Variants in MAGI1 observed in about 807,000 individuals in gnomAD.
MAGI1 encodes membrane-associated guanylate kinase, WW and PDZ domain-containing protein 1.
MAGI1 carries 58 observed loss-of-function variants against 139.9 expected under a neutral mutation model. The ratio of observed to expected loss-of-function variants is 0.41; its 90% CI spans 0.34 to 0.52. MAGI1 has a LOEUF of 0.52. Among genes scored for constraint, MAGI1 ranks in the 20% least tolerant of loss-of-function variants. The probability of loss-of-function intolerance (pLI) is 0.12; values close to 1 mark genes in which losing one functional copy is unlikely to be tolerated. For missense variants in MAGI1, 1,874 were observed against 1,901.6 expected (o/e 0.99, Z 0.27); for synonymous variants, 812 against 737.9 (o/e 1.10, Z -1.63).
chr3:65,690,640 A>AT (rs78131210), intron 1 of MAGI1, among the ~76,000 whole-genome samples: 35,029 of 130,428 alleles, frequency 0.27, 5,367 homozygotes, highest in Non-Finnish European at 0.37. Flanking sequence ...TGTATTTTTA[A>AT]TTTTTTTTTT....
chr3:66,017,498 C>T (rs2107533984), intron 1 of MAGI1, among the ~76,000 whole-genome samples: 1 of 152,340 alleles, frequency 6.6e-6, no homozygotes, highest in South Asian at 2.1e-4. Context: ...CACCTGTCAC[C>T]AGGCAACAAT....
intron 1 of MAGI1, among the ~76,000 whole-genome samples, chr3:65,781,137 A>G (rs1202079728): frequency 3.3e-5 from 5 of 152,144 alleles, no homozygotes; most frequent in Non-Finnish European, 7.3e-5. Flanking sequence ...CGGAGGCTGC[A>G]GAGAGCCAAG....
intron 2 of MAGI1, among the ~76,000 whole-genome samples, chr3:65,572,427 T>G (rs145508792): frequency 6.6e-6 from 1 of 152,092 alleles, no homozygotes; most frequent in South Asian, 2.1e-4. Flanking sequence ...TGCATTCTAT[T>G]GCATTGCACA....
intron 2 of MAGI1, among the ~76,000 whole-genome samples, chr3:65,561,686 C>T (rs1224671080): frequency 6.6e-6 from 1 of 152,156 alleles, no homozygotes; most frequent in East Asian, 1.9e-4. Context: ...CTAAGACATA[C>T]AGATGTGATA....
chr3:65,387,157 A>G, intron 14 of MAGI1: 3 of 1,614,058 alleles, frequency 1.9e-6, no homozygotes, highest in Non-Finnish European at 2.5e-6. Flanking sequence ...ACATTCTCCA[A>G]AATTCGTGGA....
chr3:65,465,390 A>T (rs1210199713), intron 5 of MAGI1, among the ~76,000 whole-genome samples: 1 of 151,050 alleles, frequency 6.6e-6, no homozygotes, highest in Non-Finnish European at 1.5e-5. Context: ...TTTTGTTTAG[A>T]GAACATCCAT....
At chr3:65,505,155 C>T (rs999537136) in intron 2 of MAGI1, among the ~76,000 whole-genome samples, 1 of 152,102 alleles carries the variant, frequency 6.6e-6, no homozygotes, top group Admixed American at 6.6e-5. Flanking sequence ...TCCATTATGG[C>T]AGGTAATAAT....
At chr3:65,916,932 T>C (rs1199757217) in intron 1 of MAGI1, among the ~76,000 whole-genome samples, 1 of 152,180 alleles carries the variant, frequency 6.6e-6, no homozygotes, top group Non-Finnish European at 1.5e-5. Flanking sequence ...TGGATAATCA[T>C]ACACGTAATA....
chr3:65,441,972 T>C (rs1233394995), intron 8 of MAGI1, among the ~76,000 whole-genome samples: 1 of 152,186 alleles, frequency 6.6e-6, no homozygotes, highest in East Asian at 1.9e-4. Context: ...ATCTTCAGTG[T>C]GGCAGGTACG....
chr3:65,646,589 C>A (rs1237335137), intron 1 of MAGI1, among the ~76,000 whole-genome samples: 1 of 151,980 alleles, frequency 6.6e-6, no homozygotes, highest in South Asian at 2.1e-4. Flanking sequence ...CAAGCAACAG[C>A]AAAATGCACA....
intron 1 of MAGI1, among the ~76,000 whole-genome samples, chr3:65,829,503 G>A (rs914182249): frequency 3.9e-5 from 6 of 152,170 alleles, no homozygotes; most frequent in Non-Finnish European, 5.9e-5. Context: ...AATCTATGAC[G>A]AAGAAGACCT....
chr3:65,649,250 T>C (rs1007226120), intron 1 of MAGI1, among the ~76,000 whole-genome samples: 1 of 151,984 alleles, frequency 6.6e-6, no homozygotes, highest in South Asian at 2.1e-4. Context: ...GGTGGAGTGG[T>C]GTGCACCTGT....
chr3:65,441,292 T>C (rs1229084394), intron 8 of MAGI1, among the ~76,000 whole-genome samples: 1 of 152,152 alleles, frequency 6.6e-6, no homozygotes, highest in Non-Finnish European at 1.5e-5. Flanking sequence ...AATAGTTTAT[T>C]AGAAATTTAG....
At chr3:65,423,626 G>C (rs1268523914) in intron 12 of MAGI1, among the ~76,000 whole-genome samples, 1 of 152,202 alleles carries the variant, frequency 6.6e-6, no homozygotes, top group Non-Finnish European at 1.5e-5. Context: ...TAAGGCAGGA[G>C]GCTTTTGGGC....
At chr3:65,508,174 C>T (rs997123089) in intron 2 of MAGI1, among the ~76,000 whole-genome samples, 11 of 151,736 alleles carry the variant, frequency 7.2e-5, no homozygotes, top group East Asian at 3.9e-4. Flanking sequence ...GAGGCCGAGG[C>T]GGGCAGATCA....
intron 5 of MAGI1, among the ~76,000 whole-genome samples, chr3:65,467,379 A>G (rs749180531): frequency 7.9e-5 from 12 of 152,242 alleles, no homozygotes; most frequent in Non-Finnish European, 1.8e-4. Context: ...AGATATCCTA[A>G]AAAGAAGTGT....
At chr3:65,602,392 C>T (rs964515389) in intron 2 of MAGI1, among the ~76,000 whole-genome samples, 21 of 152,060 alleles carry the variant, frequency 1.4e-4, no homozygotes, top group African/African-American at 3.9e-4. Context: ...AATACTGATA[C>T]GACATGGATA....
chr3:65,693,967 C>G (rs1338897580), intron 1 of MAGI1, among the ~76,000 whole-genome samples: 1 of 152,204 alleles, frequency 6.6e-6, no homozygotes, highest in Non-Finnish European at 1.5e-5. Context: ...GTGATCCACC[C>G]ACCTCGACCT....
chr3:65,470,115 G>A (rs1534091), intron 5 of MAGI1, 168 bp downstream of exon 5: 340,704 of 560,204 alleles, frequency 0.61, 108,206 homozygotes, highest in East Asian at 0.97. Flanking sequence ...CGATAAGTTG[G>A]TAATAATTAA....
Sources: allele counts gnomAD v4.1 joint callset (sites outside exome capture counted in the v4.1 genomes callset), GRCh38; gene constraint gnomAD v4.1.1; transcripts MANE v1.5; gene names NCBI Gene and HGNC (gene_info 2026-07-23, HGNC 2026-07-21).